Variants in SGCD observed in about 807,000 individuals in gnomAD.
SGCD encodes sarcoglycan delta.
Under a neutral mutation model 36.6 loss-of-function variants are expected in SGCD, and 18 were observed. That is an observed-to-expected ratio of 0.49 (90% CI 0.34 to 0.73). The LOEUF is 0.73. Ranked by LOEUF, SGCD falls within the 30% of genes least tolerant of loss-of-function variation. The pLI is 0.01. For synonymous variants in SGCD, 133 were observed against 130.6 expected (o/e 1.02, Z -0.12); for missense variants, 387 against 346.7 (o/e 1.12, Z -0.92).
At chr5:156,607,650 A>T (rs1366622845) in intron 6 of SGCD, among the ~76,000 whole-genome samples, 3 of 152,172 alleles carry the variant, frequency 2.0e-5, no homozygotes, top group Non-Finnish European at 4.4e-5. Context: ...CCTCTGGTAG[A>T]ATTGGGCTGT....
chr5:156,146,572 T>C lies in SGCD; in HGVS notation c.-44+22553T>C, dbSNP rs185170390. ...GACATATTACTTAACATTACAACTC[T>C]AACTTTAGTTGTAATTTTACATGTA... On this transcript the variant is annotated intron_variant, in intron 3 of 9. Transcript: ENST00000517913. Among the ~76,000 whole-genome samples the C allele has an allele frequency of 4.7e-4, 71 of 152,356 alleles. 1 individual carries two copies. Among genetic ancestry groups the C allele is most frequent in the South Asian group, 1.0e-3 (5 of 4,834 alleles).
chr5:156,259,533 C>A (rs1765799546), intron 3 of SGCD, among the ~76,000 whole-genome samples: 1 of 151,494 alleles, frequency 6.6e-6, no homozygotes. Context: ...CAAATATATT[C>A]TTGTTCATTT....
At chr5:156,392,018 T>A (rs1771597064) in intron 3 of SGCD, among the ~76,000 whole-genome samples, 1 of 152,240 alleles carries the variant, frequency 6.6e-6, no homozygotes, top group Non-Finnish European at 1.5e-5. Context: ...TTAGTTCTTT[T>A]AGCACTACGT....
chr5:156,656,491 G>T (rs950663346), intron 7 of SGCD, among the ~76,000 whole-genome samples: 23 of 152,104 alleles, frequency 1.5e-4, no homozygotes, highest in African/African-American at 5.3e-4. Flanking sequence ...AATTCAAAAG[G>T]AATGGTTCTC....
intron 3 of SGCD, among the ~76,000 whole-genome samples, chr5:156,287,415 C>A (rs1273543573): frequency 1.3e-5 from 2 of 151,834 alleles, no homozygotes; most frequent in South Asian, 2.1e-4. Flanking sequence ...CCTAGAAAGG[C>A]GCATGAAACC....
At chr5:156,197,377 A>T (rs937122042) in intron 3 of SGCD, among the ~76,000 whole-genome samples, 40 of 151,470 alleles carry the variant, frequency 2.6e-4, no homozygotes, top group Admixed American at 2.4e-3. Context: ...AATTCATAGG[A>T]CTCTCTTGGT....
intron 3 of SGCD, among the ~76,000 whole-genome samples, chr5:156,394,438 A>G (rs1226076597): frequency 4.6e-5 from 7 of 152,162 alleles, no homozygotes; most frequent in Non-Finnish European, 7.4e-5. Flanking sequence ...AGAAGAGACA[A>G]TACGAGAGAT....
intron 3 of SGCD, among the ~76,000 whole-genome samples, chr5:156,133,744 T>C (rs757462065): frequency 9.2e-5 from 14 of 152,176 alleles, no homozygotes; most frequent in African/African-American, 3.4e-4. Context: ...TAGTCTCTTT[T>C]TGACAGTTAC....
At chr5:155,939,395 C>T (rs2113406713) in intron 1 of SGCD, among the ~76,000 whole-genome samples, 1 of 152,134 alleles carries the variant, frequency 6.6e-6, no homozygotes, top group African/African-American at 2.4e-5. Flanking sequence ...AATCCCAGCA[C>T]TTTGGGAGGC....
At chr5:156,146,840 T>G (rs543829206) in intron 3 of SGCD, among the ~76,000 whole-genome samples, 4 of 152,212 alleles carry the variant, frequency 2.6e-5, no homozygotes, top group Non-Finnish European at 5.9e-5. Context: ...AACTGTTTTA[T>G]TTTAACTTAT....
intron 6 of SGCD, among the ~76,000 whole-genome samples, chr5:156,614,606 C>T (rs1035113366): frequency 6.6e-6 from 1 of 152,236 alleles, no homozygotes; most frequent in African/African-American, 2.4e-5. Flanking sequence ...GACTCCCCCA[C>T]AGTTTAGTCC....
At chr5:155,930,748 G>T (rs1249860133) in intron 1 of SGCD, among the ~76,000 whole-genome samples, 1 of 152,064 alleles carries the variant, frequency 6.6e-6, no homozygotes, top group African/African-American at 2.4e-5. Flanking sequence ...TGCTCTGAAT[G>T]GTTCTTTCCA....
At chr5:156,720,543 C>A (rs569531211) in intron 7 of SGCD, among the ~76,000 whole-genome samples, 3 of 152,140 alleles carry the variant, frequency 2.0e-5, no homozygotes, top group Non-Finnish European at 4.4e-5. Flanking sequence ...GATGGAGAAG[C>A]AGCACGGAGC....
chr5:156,723,307 A>G (rs983078061), intron 7 of SGCD, among the ~76,000 whole-genome samples: 6 of 152,190 alleles, frequency 3.9e-5, no homozygotes, highest in African/African-American at 1.4e-4. Context: ...ACATTCATTC[A>G]GTGGCTGCAG....
chr5:156,447,305 A>T (rs1246185014), intron 3 of SGCD, among the ~76,000 whole-genome samples: 1 of 152,176 alleles, frequency 6.6e-6, no homozygotes, highest in African/African-American at 2.4e-5. Flanking sequence ...GATGCCCAGA[A>T]ATGGAAGTTT....
chr5:155,744,404 G>A, the SGCD span, among the ~76,000 whole-genome samples: 1 of 152,062 alleles, frequency 6.6e-6, no homozygotes, highest in African/African-American at 2.4e-5. Context: ...AGGTTGCAGT[G>A]GGCTGAGATC....
chr5:156,651,283 G>A (rs928352031), intron 7 of SGCD, among the ~76,000 whole-genome samples: 4 of 152,028 alleles, frequency 2.6e-5, no homozygotes, highest in African/African-American at 9.7e-5. Context: ...TTCTTTTGCT[G>A]TGCAGAACCT....
intron 3 of SGCD, among the ~76,000 whole-genome samples, chr5:156,437,914 G>T (rs1753311064): frequency 6.6e-6 from 1 of 152,164 alleles, no homozygotes; most frequent in Non-Finnish European, 1.5e-5. Flanking sequence ...ATCATTTCCA[G>T]ATACACATTT....
intron 3 of SGCD, among the ~76,000 whole-genome samples, chr5:156,221,950 A>T (rs1764726968): frequency 6.6e-6 from 1 of 152,068 alleles, no homozygotes; most frequent in Non-Finnish European, 1.5e-5. Context: ...AAAATGAGTG[A>T]TGGAAACAAC....
Sources: allele counts gnomAD v4.1 joint callset (sites outside exome capture counted in the v4.1 genomes callset), GRCh38; gene constraint gnomAD v4.1.1; transcripts MANE v1.5; gene names NCBI Gene and HGNC (gene_info 2026-07-23, HGNC 2026-07-21).